The following HYDIN variants were observed in gnomAD, a reference collection of about 807,000 sequenced individuals.
The protein encoded by HYDIN is axonemal central pair apparatus protein HYDIN.
A neutral mutation model predicts 403.9 loss-of-function variants in HYDIN; 132 were observed. That is an observed-to-expected ratio of 0.33 (90% CI 0.28 to 0.38). The LOEUF (loss-of-function observed/expected upper bound fraction) is 0.38. Among genes scored for constraint, HYDIN ranks in the 10% least tolerant of loss-of-function variants. The probability of loss-of-function intolerance (pLI) is 1.00; values close to 1 mark genes in which losing one functional copy is unlikely to be tolerated. For missense variants in HYDIN, 2,827 were observed against 5,009.5 expected (o/e 0.56, Z 13.15); for synonymous variants, 1,202 against 1,891.7 (o/e 0.64, Z 9.46).
chr16:70,994,430 C>G (rs2079463204), intron 23 of HYDIN, among the ~76,000 whole-genome samples: 1 of 152,138 alleles, frequency 6.6e-6, no homozygotes. Context: ...GGAGAATTCA[C>G]AGAGTATGGA....
intron 45 of HYDIN, among the ~76,000 whole-genome samples, chr16:70,926,369 C>T (rs1325819530): frequency 6.6e-6 from 1 of 151,724 alleles, no homozygotes; most frequent in African/African-American, 2.4e-5. Context: ...GGACAAAAAA[C>T]CAAACACCGC....
chr16:71,035,921 G>A (rs1485994454), intron 18 of HYDIN, among the ~76,000 whole-genome samples: 5 of 151,644 alleles, frequency 3.3e-5, no homozygotes, highest in Non-Finnish European at 5.9e-5. Context: ...TGGAAGTGGT[G>A]CACATCACTT....
intron 23 of HYDIN, among the ~76,000 whole-genome samples, chr16:71,015,988 C>A (rs1270077216): frequency 6.6e-6 from 1 of 151,982 alleles, no homozygotes; most frequent in African/African-American, 2.4e-5. Flanking sequence ...AGAACAGAAA[C>A]CCATTGAAAT....
chr16:71,154,217 C>G (rs1317759173), intron 6 of HYDIN, among the ~76,000 whole-genome samples: 1 of 150,656 alleles, frequency 6.6e-6, no homozygotes, highest in Non-Finnish European at 1.5e-5. Context: ...GTTATTTTCT[C>G]TGGTACTTTC....
At chr16:71,161,965 T>A (rs1221158128) in intron 6 of HYDIN, among the ~76,000 whole-genome samples, 2 of 129,956 alleles carry the variant, frequency 1.5e-5, no homozygotes, top group Non-Finnish European at 3.1e-5. Context: ...CTTTTCCCCA[T>A]TTTTCAGAGA....
intron 23 of HYDIN, among the ~76,000 whole-genome samples, chr16:70,999,006 C>G (rs1418261132): frequency 6.6e-6 from 1 of 152,162 alleles, no homozygotes; most frequent in Admixed American, 6.5e-5. Context: ...ATTATTATAC[C>G]ACAGAATACT....
intron 18 of HYDIN, among the ~76,000 whole-genome samples, chr16:71,040,478 C>G (rs111728403): frequency 1.4e-4 from 21 of 146,914 alleles, no homozygotes; most frequent in African/African-American, 4.0e-4. Flanking sequence ...ACATACCCCC[C>G]CTCCCCGCAC....
At chr16:71,215,164 C>T (rs1394334454) in intron 1 of HYDIN, among the ~76,000 whole-genome samples, 1 of 151,848 alleles carries the variant, frequency 6.6e-6, no homozygotes, top group Non-Finnish European at 1.5e-5. Context: ...AATTAGTCAC[C>T]TTTAGAGGTC....
At chr16:71,222,941 A>G (rs1333287771) in intron 1 of HYDIN, among the ~76,000 whole-genome samples, 1 of 152,142 alleles carries the variant, frequency 6.6e-6, no homozygotes, top group African/African-American at 2.4e-5. Context: ...TCAAAATACC[A>G]ACATCATTCT....
At chr16:70,848,306 CT>C (rs1188691208) in intron 75 of HYDIN, among the ~76,000 whole-genome samples, 6 of 151,670 alleles carry the variant, frequency 4.0e-5, no homozygotes, top group Non-Finnish European at 4.4e-5. Context: ...AAGTATTTGT[CT>C]ATTAAGTCCA....
intron 83 of HYDIN, among the ~76,000 whole-genome samples, chr16:70,824,996 C>T (rs1271792919): frequency 2.6e-5 from 4 of 151,782 alleles, no homozygotes; most frequent in South Asian, 4.2e-4. Context: ...ACTATAGGCG[C>T]GTGCCAGCCC....
chr16:71,022,471 G>A (rs1274976820), intron 21 of HYDIN, among the ~76,000 whole-genome samples: 1 of 152,184 alleles, frequency 6.6e-6, no homozygotes, highest in Non-Finnish European at 1.5e-5. Flanking sequence ...TGAGGAAACA[G>A]CTATAGAAAA....
intron 5 of HYDIN, among the ~76,000 whole-genome samples, chr16:71,169,603 T>C (rs901874996): frequency 6.6e-6 from 1 of 152,206 alleles, no homozygotes; most frequent in African/African-American, 2.4e-5. Context: ...GACTTATATG[T>C]GGAATCTAAA....
intron 75 of HYDIN, among the ~76,000 whole-genome samples, chr16:70,847,157 TAAC>T (rs151152261): frequency 0.034 from 5,173 of 152,200 alleles, 88 homozygotes; most frequent in Non-Finnish European, 0.054. Flanking sequence ...TTACATTTAA[TAAC>T]AACTTAATTT....
chr16:71,173,107 A>T (rs2086534893), intron 5 of HYDIN, among the ~76,000 whole-genome samples: 1 of 152,144 alleles, frequency 6.6e-6, no homozygotes, highest in Non-Finnish European at 1.5e-5. Flanking sequence ...TGAGAAAACA[A>T]CTCTGTCTTT....
intron 28 of HYDIN, 33 bp from the exon 29 acceptor site, chr16:70,981,601 G>A (rs758835698): frequency 1.0e-5 from 16 of 1,601,606 alleles, no homozygotes; most frequent in African/African-American, 5.4e-5. Flanking sequence ...AAGGGAAAAC[G>A]AATGTGCTAC....
rs371911564 is a variant in HYDIN at position 70,896,000 on chromosome 16, C to G, written c.9129G>C (p.Leu3043Phe). ...ACAGACCTTTGGGGAAGGTGATGTC[C>G]AAGGCGATGTCGTATGCCTCTGCAA... Reference protein sequence around the residue: ...MVFAEAYDIALDITFPKGAEG... With the variant: ...MVFAEAYDIAFDITFPKGAEG... The change falls in exon 54 of 86, where the codon TTG becomes TTC. Residue 3043 changes from leucine (L) to phenylalanine (F), a missense_variant. Coordinates refer to ENST00000393567, the MANE Select transcript of HYDIN (RefSeq NM_001270974.2). 4.4e-5 allele frequency: 71 copies of G among 1,609,960 alleles called. No individual in the cohort carries two copies. Among genetic ancestry groups the G allele is most frequent in the Admixed American group, 1.7e-4 (10 of 59,622 alleles).
chr16:70,933,431 G>A (rs1003018228), intron 45 of HYDIN: 3 of 145,176 alleles, frequency 2.1e-5, no homozygotes, highest in African/African-American at 7.6e-5. Flanking sequence ...GGGACAATCT[G>A]AAGAAGTGTC....
intron 1 of HYDIN, among the ~76,000 whole-genome samples, chr16:71,224,249 G>A (rs1021017310): frequency 6.6e-6 from 1 of 152,142 alleles, no homozygotes. Flanking sequence ...GCTATGAGAT[G>A]CAAAGACATA....
Sources: allele counts gnomAD v4.1 joint callset (sites outside exome capture counted in the v4.1 genomes callset), GRCh38; gene constraint gnomAD v4.1.1; transcripts MANE v1.5; gene names NCBI Gene and HGNC (gene_info 2026-07-23, HGNC 2026-07-21).